Variants in SMC4 observed in about 807,000 individuals in gnomAD.
The protein encoded by SMC4 is structural maintenance of chromosomes 4, also known as structural maintenance of chromosomes protein 4.
A neutral mutation model predicts 145.6 loss-of-function variants in SMC4; 87 were observed. The ratio of observed to expected loss-of-function variants is 0.60; its 90% confidence interval spans 0.50 to 0.71. SMC4 has a LOEUF of 0.71. Ranked by LOEUF, SMC4 falls within the 30% of genes least tolerant of loss-of-function variation. The pLI, the probability that SMC4 is intolerant of heterozygous loss-of-function variation, is 0.00. For synonymous variants in SMC4, 558 were observed against 500.7 expected (o/e 1.11, Z -1.53); for missense variants, 1,447 against 1,537.1 (o/e 0.94, Z 0.98).
rs751361818 is a variant in SMC4, at chr3:160,423,463, T to G, written c.2058T>G (p.Thr686=). The change falls in exon 14 of 24, where the codon ACT becomes ACG. Residue 686 remains threonine, a synonymous_variant. Transcript: ENST00000357388. ...CGAAAAAGATGACCGAAATTCAAAC[T>G]CCTGAAAATACTCCTCGTTTATTTG... The part of the protein sequence containing the change: ...VWAKKMTEIQ[T]PENTPRLFDL... 1.2e-5 allele frequency: 19 copies of G among 1,607,410 alleles called. No individual in the cohort carries two copies. The South Asian group carries it at 2.0e-4, about 17-fold the overall frequency.
At chr3:160,430,567 C>T (rs750238818) in intron 18 of SMC4, 32 bp from the exon 19 acceptor site, 2 of 1,513,500 alleles carry the variant, frequency 1.3e-6, no homozygotes, top group East Asian at 4.8e-5. Flanking sequence ...ATCACCTTAC[C>T]ACATTTTTGA....
chr3:160,433,891 A>C lies in SMC4; in HGVS notation c.*82A>C. The C allele has an allele frequency of 9.8e-7, 1 of 1,020,104 alleles. No individual in the cohort carries two copies. Among genetic ancestry groups the C allele is most frequent in the Non-Finnish European group, 1.5e-6 (1 of 680,926 alleles). 63.2% of individuals were successfully genotyped at this position (1,020,104 alleles called of 1,614,324 possible). On this transcript the variant is annotated 3_prime_UTR_variant, in exon 24 of 24. Coordinates refer to ENST00000357388, the MANE Select transcript of SMC4 (RefSeq NM_001002800.3). Reference sequence around the variant, plus strand: ...TGTAAAGGATTATGAGTTGTATAAAATACATACTCCCTAAACTAGATCATG... The same window carrying C: ...TGTAAAGGATTATGAGTTGTATAAACTACATACTCCCTAAACTAGATCATG...
intron 5 of SMC4, among the ~76,000 whole-genome samples, chr3:160,410,803 G>T (rs1433270895): frequency 6.6e-6 from 1 of 152,030 alleles, no homozygotes; most frequent in Non-Finnish European, 1.5e-5. Flanking sequence ...ACATTTTTAA[G>T]GTTCACCTGT....
intron 18 of SMC4, 117 bp downstream of exon 18, chr3:160,429,059 T>G: frequency 1.2e-6 from 1 of 817,064 alleles, no homozygotes. Flanking sequence ...ATTGAACCTG[T>G]CTGACACATT....
intron 23 of SMC4, 129 bp downstream of exon 23, chr3:160,433,338 C>G: frequency 1.5e-6 from 1 of 655,246 alleles, no homozygotes. Flanking sequence ...TCCATCTCCT[C>G]TGGTATCAGT....
chr3:160,402,856 ATAAT>A lies in SMC4; in HGVS notation c.501_504del (p.Ile167MetfsTer32). ...TACAGTAGAAGTTCATTTTCAAAAGATAATTGATAAGGTAAGGGATTTTTACTGT... is the reference window on the plus strand; with the variant it reads ...TACAGTAGAAGTTCATTTTCAAAAGATGATAAGGTAAGGGATTTTTACTGT... On this transcript the variant is annotated frameshift_variant, in exon 4 of 24. Coordinates refer to ENST00000357388, the MANE Select transcript of SMC4 (RefSeq NM_001002800.3). LOFTEE classifies it high-confidence loss of function. 30 of 1,567,716 alleles carry A rather than the reference ATAAT, an allele frequency of 1.9e-5. No individual in the cohort carries two copies. The highest frequency in any genetic ancestry group is 2.6e-5 in the Non-Finnish European group (30 of 1,163,816).
chr3:160,408,090 C>G (rs1019605043), intron 5 of SMC4, among the ~76,000 whole-genome samples: 1 of 152,058 alleles, frequency 6.6e-6, no homozygotes, highest in Non-Finnish European at 1.5e-5. Flanking sequence ...TAATTTTAGG[C>G]CATTTAATTT....
At chr3:160,403,189 G>A (rs1165994448) in intron 4 of SMC4, among the ~76,000 whole-genome samples, 1 of 152,044 alleles carries the variant, frequency 6.6e-6, no homozygotes, top group African/African-American at 2.4e-5. Context: ...TATTTTGATT[G>A]CTTTAGAATA....
Position 160,417,834 on chromosome 3 carries a change from G to A in SMC4, c.1549G>A (p.Val517Met). Residue 517 changes from valine (V) to methionine (M), a missense_variant, in exon 11 of 24, where the codon GTG (valine) becomes ATG (methionine). Val to Met is a conservative substitution (Grantham distance 21). Transcript: ENST00000357388. ...DIYLSRHNTA[V>M]SQLTKAKEAL... ...CTATCTCAGTCGTCATAATACTGCA[G>A]TGTCTCAATTAACTAAGGCTAAGGA... 1.2e-6 allele frequency: 2 copies of A among 1,613,762 alleles called. No homozygotes were observed. Among genetic ancestry groups the A allele is most frequent in the Non-Finnish European group, 1.7e-6 (2 of 1,179,810 alleles).
chr3:160,420,785 T>A lies in SMC4; in HGVS notation c.1903T>A (p.Ser635Thr). ...TGAAAAATACGACGTGGCTATATCA[T>A]CCTGTTGTCATGCACTGGACTACAT... The part of the protein sequence containing the change: ...IDEKYDVAIS[S>T]CCHALDYIVV... The change falls in exon 13 of 24, where the codon TCC becomes ACC. Residue 635 changes from serine (S) to threonine (T), a missense_variant. Ser to Thr is a moderately conservative substitution (Grantham distance 58). Transcript: ENST00000357388. 1 of 1,614,064 alleles carries A rather than the reference T, an allele frequency of 6.2e-7. No homozygotes were observed. Among genetic ancestry groups the A allele is most frequent in the Non-Finnish European group, 8.5e-7 (1 of 1,179,986 alleles).
chr3:160,418,035 G>T (rs759976086), intron 11 of SMC4, 79 bp downstream of exon 11: 5 of 1,114,110 alleles, frequency 4.5e-6, no homozygotes, highest in Non-Finnish European at 6.5e-6. Context: ...TAATCTCCGC[G>T]TCAGAGGTGA....
Position 160,412,433 on chromosome 3 carries a change from T to C in SMC4, c.960T>C (p.Asn320=). 1 of 1,603,922 alleles carries C rather than the reference T, an allele frequency of 6.2e-7. No individual in the cohort carries two copies. ...AAAATGAAATATTTAGAAAAAAGAA[T>C]CATGTTTGTCAATATTATATGTAAG... ...TLENEIFRKK[N]HVCQYYIYEL... is the part of the protein sequence containing the mutation. The change falls in exon 7 of 24, where the codon AAT becomes AAC. Residue 320 remains asparagine, a synonymous_variant. Coordinates refer to ENST00000357388, the MANE Select transcript of SMC4 (RefSeq NM_001002800.3).
intron 11 of SMC4, among the ~76,000 whole-genome samples, chr3:160,419,134 A>T (rs563987953): frequency 6.6e-6 from 1 of 152,258 alleles, no homozygotes; most frequent in East Asian, 1.9e-4. Flanking sequence ...ATTACACCTA[A>T]TGTTTTCTTT....
rs1326617965 is a variant in SMC4 at position 160,434,080 on chromosome 3, T to C, written c.*271T>C. ...TAACTTGCCAAACTAAAAAGTATGT[T>C]AGTTGAGGCAAAGTCCTAAGCAAGG... On this transcript the variant is annotated 3_prime_UTR_variant, in exon 24 of 24. Transcript: ENST00000357388. The C allele has an allele frequency of 3.7e-6, 1 of 271,474 alleles. No individual in the cohort carries two copies. Among genetic ancestry groups the C allele is most frequent in the African/African-American group, 2.3e-5 (1 of 43,884 alleles). 16.8% of individuals were successfully genotyped at this position (271,474 alleles called of 1,614,324 possible).
Position 160,432,300 on chromosome 3 carries a change from A to G in SMC4, c.3315A>G (p.Gln1105=). 3 of 1,603,736 alleles carry G rather than the reference A, an allele frequency of 1.9e-6. No homozygotes were observed. Among genetic ancestry groups the G allele is most frequent in the Non-Finnish European group, 2.5e-6 (3 of 1,176,576 alleles). ...EYKKKEELYL[Q]RVAELDKITY... ...TTTCACAGGAAGAATTGTATTTGCA[A>G]CGGGTAGCAGAATTGGACAAAATTA... is the stretch of plus-strand genomic sequence containing the variant. Residue 1105 remains glutamine, a synonymous_variant, in exon 22 of 24, where the codon CAA becomes CAG. Coordinates refer to ENST00000357388, the MANE Select transcript of SMC4 (RefSeq NM_001002800.3).
At position 160,430,624 on chromosome 3, in the gene SMC4, G is replaced by A; in HGVS notation, c.2821G>A (p.Val941Ile). Residue 941 changes from valine to isoleucine, a missense_variant, in exon 19 of 24, where the codon GTC becomes ATC. Physicochemically the swap from Val to Ile is conservative, Grantham distance 29 (BLOSUM62 3). Transcript: ENST00000357388. Reference sequence around the variant, plus strand: ...AAACCTTCAAAAGGCACAAGACTCTGTCTTGCGTACAGAGAAAGAAATAAA... The same window carrying A: ...AAACCTTCAAAAGGCACAAGACTCTATCTTGCGTACAGAGAAAGAAATAAA... ...DRNLQKAQDS[V>I]LRTEKEIKDT... 6.2e-7 allele frequency: 1 copy of A among 1,612,186 alleles called. No individual in the cohort carries two copies. The highest frequency in any genetic ancestry group is 8.5e-7 in the Non-Finnish European group (1 of 1,179,258).
At position 160,401,942 on chromosome 3, in the gene SMC4, G is replaced by A. The variant is rs567071780; in HGVS notation, c.167G>A (p.Arg56Lys). 5 of 1,599,870 alleles carry A rather than the reference G, an allele frequency of 3.1e-6. No homozygotes were observed. In the East Asian group the frequency reaches 9.2e-5, roughly 29 times the overall value. ...ACTGCAAGTGAGGAACTTGATAATAGAAGTTTAGAAGAGATTTTGAACAGC... is the reference window on the plus strand; with the variant it reads ...ACTGCAAGTGAGGAACTTGATAATAAAAGTTTAGAAGAGATTTTGAACAGC... ...AETASEELDN[R>K]SLEEILNSIP... Residue 56 changes from arginine to lysine, a missense_variant, in exon 3 of 24, where the codon AGA (arginine) becomes AAA (lysine). Arg to Lys is a conservative substitution (Grantham distance 26, BLOSUM62 2). Transcript: ENST00000357388.
At chr3:160,429,270 T>G (rs532820572) in intron 18 of SMC4, among the ~76,000 whole-genome samples, 1 of 152,288 alleles carries the variant, frequency 6.6e-6, no homozygotes, top group South Asian at 2.1e-4. Context: ...GATACAGGCC[T>G]TAAAAGAATA....
At chr3:160,407,508 G>A (rs1715470647) in intron 5 of SMC4, among the ~76,000 whole-genome samples, 3 of 152,016 alleles carry the variant, frequency 2.0e-5, no homozygotes, top group Admixed American at 6.5e-5. Context: ...AGCCAACATC[G>A]TACCACTGCA....
Sources: allele counts gnomAD v4.1 joint callset (sites outside exome capture counted in the v4.1 genomes callset), GRCh38; gene constraint gnomAD v4.1.1; transcripts MANE v1.5; gene names NCBI Gene and HGNC (gene_info 2026-07-23, HGNC 2026-07-21).